The following ACAD11 variants were observed in gnomAD, a reference collection of about 807,000 sequenced individuals.
ACAD11 encodes acyl-Coenzyme A dehydrogenase family, member 11.
Under a neutral mutation model 102.2 loss-of-function variants are expected in ACAD11, and 83 were observed. The ratio of observed to expected loss-of-function variants is 0.81; its 90% CI spans 0.68 to 0.97. The LOEUF is 0.97. Ranked by LOEUF, ACAD11 falls within the 50% of genes least tolerant of loss-of-function variation. ACAD11 has a pLI of 0.00. For synonymous variants in ACAD11, 324 were observed against 319.8 expected (o/e 1.01, Z -0.14); for missense variants, 901 against 951.7 (o/e 0.95, Z 0.70).
chr3:132,601,826 T>C, intron 13 of ACAD11: 1 of 328,890 alleles, frequency 3.0e-6, no homozygotes, highest in South Asian at 2.8e-5. Context: ...TTCAATTTCC[T>C]GGTTTTGACA....
At chr3:132,561,519 T>C (rs1937056677) in intron 17 of ACAD11, among the ~76,000 whole-genome samples, 1 of 152,186 alleles carries the variant, frequency 6.6e-6, no homozygotes, top group Non-Finnish European at 1.5e-5. Context: ...ACTGAGCAAC[T>C]GCCTTACCGC....
At chr3:132,595,416 G>A (rs1180828460) in intron 13 of ACAD11, among the ~76,000 whole-genome samples, 2 of 151,970 alleles carry the variant, frequency 1.3e-5, no homozygotes, top group Non-Finnish European at 2.9e-5. Flanking sequence ...GAGAGTTCAT[G>A]ATGAAGCAAT....
At chr3:132,625,224 T>C (rs1256061083) in intron 9 of ACAD11, among the ~76,000 whole-genome samples, 1 of 152,214 alleles carries the variant, frequency 6.6e-6, no homozygotes, top group Non-Finnish European at 1.5e-5. Context: ...TCTTCTGAGA[T>C]ATGGCTTCTA....
intron 17 of ACAD11, among the ~76,000 whole-genome samples, chr3:132,573,184 G>A (rs1937431852): frequency 6.6e-6 from 1 of 151,970 alleles, no homozygotes. Flanking sequence ...TGCACACCTT[G>A]GCCATTTTTA....
chr3:132,598,800 A>T (rs181274650), intron 13 of ACAD11, among the ~76,000 whole-genome samples: 24 of 152,338 alleles, frequency 1.6e-4, no homozygotes, highest in Non-Finnish European at 3.2e-4. Context: ...GAGAGGTGGC[A>T]GGAGCCATGG....
intron 17 of ACAD11, among the ~76,000 whole-genome samples, chr3:132,566,405 A>G (rs1455119165): frequency 1.3e-5 from 2 of 152,116 alleles, no homozygotes; most frequent in Non-Finnish European, 2.9e-5. Context: ...AGTAAGGCTG[A>G]AAAAGTTTGA....
At chr3:132,632,395 TTTCTTATGTTCA>T (rs754965241) in intron 5 of ACAD11, among the ~76,000 whole-genome samples, 24 of 152,330 alleles carry the variant, frequency 1.6e-4, no homozygotes, top group Non-Finnish European at 3.2e-4. Context: ...CTTTTGTTCA[TTTCTTATGTTCA>T]TTTGGCTGTA....
chr3:132,561,385 C>T, intron 17 of ACAD11, 168 bp from the exon 18 acceptor site: 1 of 647,696 alleles, frequency 1.5e-6, no homozygotes, highest in African/African-American at 1.8e-5. Flanking sequence ...TTGATATACA[C>T]CAGCCTAACC....
At position 132,575,734 on chromosome 3, in the gene ACAD11, C is replaced by A. The variant is rs770982535; in HGVS notation, c.2001+38G>T. 4 of 1,610,756 alleles carry A rather than the reference C, an allele frequency of 2.5e-6. No homozygotes were observed. The South Asian group carries it at 3.3e-5, about 13-fold the overall frequency. ...TTTTGTTCAATGTTAGTGTAGTGCACCGGGCTACAATAAATTCAAATAAGT... is the reference window on the plus strand; with the variant it reads ...TTTTGTTCAATGTTAGTGTAGTGCAACGGGCTACAATAAATTCAAATAAGT... On this transcript the variant is annotated intron_variant, in intron 17 of 19. Coordinates refer to ENST00000264990, the MANE Select transcript of ACAD11 (RefSeq NM_032169.5).
chr3:132,607,297 T>C (rs1231002017), intron 11 of ACAD11, among the ~76,000 whole-genome samples: 1 of 152,150 alleles, frequency 6.6e-6, no homozygotes, highest in African/African-American at 2.4e-5. Context: ...AGAAGTAGGC[T>C]TCAGAAGGTG....
Position 132,567,299 on chromosome 3 carries a change from G to A in ACAD11, c.2002-6082C>T, listed in dbSNP as rs998450810. Among the ~76,000 whole-genome samples the A allele has an allele frequency of 4.6e-5, 7 of 152,078 alleles. No homozygotes were observed. The South Asian group carries it at 1.5e-3, about 32-fold the overall frequency. On this transcript the variant is annotated intron_variant, in intron 17 of 19. Coordinates refer to ENST00000264990, the MANE Select transcript of ACAD11 (RefSeq NM_032169.5). ...GGCCCAAGACAATTATATTATAAAT[G>A]GGAGAAGTTAAAGGAACTTAAAGGA... is the stretch of plus-strand genomic sequence containing the variant.
chr3:132,642,774 G>A lies in ACAD11; in HGVS notation c.278C>T (p.Ala93Val), dbSNP rs777905921. 6.2e-7 allele frequency: 1 copy of A among 1,612,712 alleles called. No individual in the cohort carries two copies. Among genetic ancestry groups the A allele is most frequent in the African/African-American group, 1.3e-5 (1 of 74,844 alleles). ...QIDREFKVQKALFSIGFPVPK... is the reference protein window; with the variant it reads ...QIDREFKVQKVLFSIGFPVPK... Reference sequence around the variant, plus strand: ...AACGGGGAATCCAATTGAAAACAAGGCTTTCTGGACTTTAAATTCTCTATC... The same window carrying A: ...AACGGGGAATCCAATTGAAAACAAGACTTTCTGGACTTTAAATTCTCTATC... Residue 93 changes from alanine (A) to valine (V), a missense_variant, in exon 3 of 20, where the codon GCC (alanine) becomes GTC (valine). Ala to Val is a moderately conservative substitution (Grantham distance 64). Coordinates refer to ENST00000264990, the MANE Select transcript of ACAD11 (RefSeq NM_032169.5).
chr3:132,585,235 A>C (rs200476920), intron 13 of ACAD11, among the ~76,000 whole-genome samples: 8 of 152,194 alleles, frequency 5.3e-5, no homozygotes, highest in African/African-American at 1.7e-4. Context: ...CAAAAACAAG[A>C]AATGGGGAAA....
intron 11 of ACAD11, among the ~76,000 whole-genome samples, chr3:132,609,232 C>T (rs961508648): frequency 4.6e-5 from 7 of 152,028 alleles, no homozygotes. Context: ...ATTAAAAGAA[C>T]TAGAGAAGCA....
chr3:132,619,614 C>T (rs764363877), intron 9 of ACAD11, 69 bp from the exon 10 acceptor site: 18 of 813,696 alleles, frequency 2.2e-5, no homozygotes, highest in Non-Finnish European at 3.3e-5. Flanking sequence ...TCATAAACTG[C>T]TAATATCTAA....
At chr3:132,627,923 C>T (rs2107861181) in intron 8 of ACAD11, among the ~76,000 whole-genome samples, 1 of 152,278 alleles carries the variant, frequency 6.6e-6, no homozygotes, top group South Asian at 2.1e-4. Context: ...CTGATGAAGA[C>T]ATGGGTTTCA....
At chr3:132,627,097 G>T in intron 8 of ACAD11, 1 of 242,408 alleles carries the variant, frequency 4.1e-6, no homozygotes, top group South Asian at 6.2e-5. Flanking sequence ...AGGAGGCACA[G>T]GGTCTTGTCT....
At chr3:132,597,338 T>G (rs959876451) in intron 13 of ACAD11, 2 of 152,164 alleles carry the variant, frequency 1.3e-5, no homozygotes, top group Non-Finnish European at 2.9e-5. Flanking sequence ...GTACTTTATT[T>G]CTTTTCTTAT....
At chr3:132,599,467 C>T (rs1262783568) in intron 13 of ACAD11, among the ~76,000 whole-genome samples, 9 of 151,674 alleles carry the variant, frequency 5.9e-5, no homozygotes, top group Non-Finnish European at 2.9e-5. Context: ...AGATTGTCCA[C>T]TGCATTCCAG....
Sources: gnomAD v4.1 joint callset for allele counts (sites outside exome capture counted in the v4.1 genomes callset) on GRCh38, gnomAD v4.1.1 for gene constraint, MANE v1.5 for transcripts, NCBI Gene and HGNC (gene_info 2026-07-23, HGNC 2026-07-21) for gene names.